Variants in PUS7L observed in about 807,000 individuals in gnomAD.
PUS7L encodes pseudouridine synthase 7 like, also known as pseudouridylate synthase PUS7L.
A neutral mutation model predicts 51.1 loss-of-function variants in PUS7L; 49 were observed. The ratio of observed to expected loss-of-function variants is 0.96; its 90% CI spans 0.76 to 1.22. PUS7L has a LOEUF of 1.22. PUS7L is among the 50% of genes most tolerant of loss of function. The pLI, the probability that PUS7L is intolerant of heterozygous loss-of-function variation, is 0.00. For synonymous variants in PUS7L, 277 were observed against 276.2 expected (o/e 1.00, Z -0.03); for missense variants, 828 against 820.6 (o/e 1.01, Z -0.11).
chr12:43,730,563 C>T lies in PUS7L; in HGVS notation c.1919G>A (p.Cys640Tyr), dbSNP rs1216325538. Residue 640 changes from cysteine (C) to tyrosine (Y), a missense_variant, in exon 9 of 9, where the codon TGC (cysteine) becomes TAC (tyrosine). Physicochemically the swap from Cys to Tyr is radical, Grantham distance 194. Transcript: ENST00000344862. ...VPTLKLNIPG[C>Y]YRQILKHPCN... Reference sequence around the variant, plus strand: ...GGGATGTTTCAAAATCTGTCTATAGCAACCTGGTATATTCAGTTTCAGAGT... The same window carrying T: ...GGGATGTTTCAAAATCTGTCTATAGTAACCTGGTATATTCAGTTTCAGAGT... The T allele has an allele frequency of 6.2e-7, 1 of 1,613,782 alleles. No homozygotes were observed. Among genetic ancestry groups the T allele is most frequent in the Non-Finnish European group, 8.5e-7 (1 of 1,179,816 alleles).
At chr12:43,731,868 T>G (rs925719737) in intron 7 of PUS7L, 110 bp from the exon 8 acceptor site, 1 of 653,044 alleles carries the variant, frequency 1.5e-6, no homozygotes, top group Non-Finnish European at 2.7e-6. Context: ...ATGCTGAATA[T>G]ACATAAACCC....
chr12:43,747,687 C>G (rs1938237164), intron 3 of PUS7L, among the ~76,000 whole-genome samples: 1 of 151,906 alleles, frequency 6.6e-6, no homozygotes, highest in South Asian at 2.1e-4. Flanking sequence ...GGGCAAAAAT[C>G]CGTCTCAAAA....
intron 2 of PUS7L, among the ~76,000 whole-genome samples, chr12:43,751,467 G>A (rs1451073120): frequency 1.3e-4 from 19 of 151,186 alleles, no homozygotes; most frequent in Admixed American, 3.3e-4. Context: ...TTGTCCTTGC[G>A]ATAGTTTGCT....
chr12:43,753,303 GAATT>G (rs1225939362), intron 2 of PUS7L, among the ~76,000 whole-genome samples: 2 of 152,114 alleles, frequency 1.3e-5, no homozygotes, highest in African/African-American at 2.4e-5. Context: ...CAAAAGTTAT[GAATT>G]ATTAAGTAAC....
intron 5 of PUS7L, among the ~76,000 whole-genome samples, chr12:43,740,222 T>C (rs1225573385): frequency 6.6e-6 from 1 of 152,234 alleles, no homozygotes; most frequent in Non-Finnish European, 1.5e-5. Context: ...GATTTATTTC[T>C]AAAGCACGTG....
chr12:43,749,425 T>C (rs1938335939), intron 2 of PUS7L, among the ~76,000 whole-genome samples: 1 of 152,178 alleles, frequency 6.6e-6, no homozygotes, highest in Non-Finnish European at 1.5e-5. Flanking sequence ...GGATCATGCC[T>C]GTAATCTCGG....
At chr12:43,750,181 G>T (rs1232695645) in intron 2 of PUS7L, among the ~76,000 whole-genome samples, 1 of 121,480 alleles carries the variant, frequency 8.2e-6, no homozygotes, top group African/African-American at 3.8e-5. Flanking sequence ...CAATTTAAAA[G>T]AAATCCCCAG....
rs540660577 is a variant in PUS7L at position 43,724,191 on chromosome 12, C to G, written c.*6185G>C. 2.0e-5 allele frequency: 3 copies of G among 151,756 alleles called. No individual in the cohort carries two copies. Among genetic ancestry groups the G allele is most frequent in the Non-Finnish European group, 4.4e-5 (3 of 67,836 alleles). The allele number at this position is 151,756 out of a possible 1,614,324, so 9.4% of individuals were successfully genotyped here. A position where few individuals can be genotyped will look rare whatever the true frequency, so the allele number is the denominator to read the frequency against. On this transcript the variant is annotated 3_prime_UTR_variant, in exon 9 of 9. Coordinates refer to ENST00000344862, the MANE Select transcript of PUS7L (RefSeq NM_031292.5). ...TTTTTGTTCTCTTAAAGATTACTCC[C>G]AGGTAGAAAACGTTAAGGAACATTG...
chr12:43,751,271 A>G (rs905135611), intron 2 of PUS7L, among the ~76,000 whole-genome samples: 1 of 151,988 alleles, frequency 6.6e-6, no homozygotes. Flanking sequence ...ATATGTATAC[A>G]TGTGCCATGT....
intron 2 of PUS7L, among the ~76,000 whole-genome samples, chr12:43,752,826 G>A (rs917986547): frequency 6.6e-6 from 1 of 152,168 alleles, no homozygotes; most frequent in African/African-American, 2.4e-5. Context: ...GTACAACCAT[G>A]TGACTGTCCT....
Position 43,733,017 on chromosome 12 carries a change from T to C in PUS7L, c.1726-1259A>G, listed in dbSNP as rs147051348. The stretch of plus-strand genomic sequence containing the variant: ...TTATGAAAACATCGAATAAACATGG[T>C]CAGGTATAAAACACCATGCTTTGTC... On this transcript the variant is annotated intron_variant, in intron 7 of 8. Transcript: ENST00000344862. Among the ~76,000 whole-genome samples the C allele has an allele frequency of 6.1e-3, 933 of 152,310 alleles. 11 individuals are homozygous for C. The highest frequency in any genetic ancestry group is 0.021 in the African/African-American group (856 of 41,572).
chr12:43,748,653 A>T (rs1376932656), intron 2 of PUS7L, 44 bp from the exon 3 acceptor site: 1 of 1,433,292 alleles, frequency 7.0e-7, no homozygotes, highest in Non-Finnish European at 9.5e-7. Context: ...AGCAGCTACC[A>T]TACATCAATT....
Position 43,727,100 on chromosome 12 carries a change from A to C in PUS7L, c.*3276T>G, listed in dbSNP as rs1286116612. On this transcript the variant is annotated 3_prime_UTR_variant, in exon 9 of 9. Transcript: ENST00000344862. ...ATATGAAAAAATGCTGAACATCACT[A>C]ATCATTAGGGAAATGCAAATCAAAA... 1 of 152,152 alleles carries C rather than the reference A, an allele frequency of 6.6e-6. No homozygotes were observed. Among genetic ancestry groups the C allele is most frequent in the African/African-American group, 2.4e-5 (1 of 41,438 alleles). The allele number at this position is 152,152 out of a possible 1,614,324, so 9.4% of individuals were successfully genotyped here.
At chr12:43,736,009 C>T (rs760033365) in intron 7 of PUS7L, among the ~76,000 whole-genome samples, 4 of 152,044 alleles carry the variant, frequency 2.6e-5, no homozygotes, top group South Asian at 2.1e-4. Flanking sequence ...CTCCTGACCT[C>T]GTGATCCGCC....
chr12:43,746,378 T>A (rs1200934282), intron 3 of PUS7L, 140 bp from the exon 4 acceptor site: 2 of 511,696 alleles, frequency 3.9e-6, no homozygotes, highest in Non-Finnish European at 6.7e-6. Flanking sequence ...CTAAAGTTAA[T>A]GTTATTTCAC....
In PUS7L at chr12:43,720,475, C is replaced by CA. The variant is rs748014026; in HGVS notation, c.*9900dup. ...CGGGTGATAGAGTGAGACTCCATCA[C>CA]AAAAAACAAAAAATAAATAAGTGCA... On this transcript the variant is annotated 3_prime_UTR_variant, in exon 9 of 9. Coordinates refer to ENST00000344862, the MANE Select transcript of PUS7L (RefSeq NM_031292.5). The CA allele has an allele frequency of 4.6e-5, 7 of 151,986 alleles. No homozygotes were observed. The South Asian group carries it at 8.3e-4, about 18-fold the overall frequency. The allele number at this position is 151,986 out of a possible 1,614,324, so 9.4% of individuals were successfully genotyped here.
At chr12:43,751,196 T>A (rs1352504187) in intron 2 of PUS7L, among the ~76,000 whole-genome samples, 1 of 149,968 alleles carries the variant, frequency 6.7e-6, no homozygotes, top group Non-Finnish European at 1.5e-5. Flanking sequence ...TATTTTTAAT[T>A]TATATATATA....
At chr12:43,747,587 G>A (rs552873359) in intron 3 of PUS7L, among the ~76,000 whole-genome samples, 24 of 151,890 alleles carry the variant, frequency 1.6e-4, no homozygotes, top group African/African-American at 4.8e-4. Context: ...CCAGCTACTC[G>A]GGAGACTGAG....
intron 1 of PUS7L, among the ~76,000 whole-genome samples, chr12:43,757,166 T>G (rs1035722523): frequency 5.9e-5 from 9 of 152,034 alleles, no homozygotes; most frequent in African/African-American, 2.2e-4. Context: ...TACAGGAACC[T>G]GCAAGTGATT....
Sources: allele counts gnomAD v4.1 joint callset (sites outside exome capture counted in the v4.1 genomes callset), GRCh38; gene constraint gnomAD v4.1.1; transcripts MANE v1.5; gene names NCBI Gene and HGNC (gene_info 2026-07-23, HGNC 2026-07-21).